Variants in ARHGAP24 observed in about 807,000 individuals in gnomAD.
ARHGAP24 encodes the protein Rho GTPase activating protein 24.
Under a neutral mutation model 76.4 loss-of-function variants are expected in ARHGAP24, and 50 were observed. The ratio of observed to expected loss-of-function variants is 0.65; its 90% confidence interval spans 0.52 to 0.83. The LOEUF is 0.83. ARHGAP24 is among the 40% of genes least tolerant of loss of function. The probability of loss-of-function intolerance (pLI) is 0.00; values close to 1 mark genes in which losing one functional copy is unlikely to be tolerated. For synonymous variants in ARHGAP24, 345 were observed against 323.3 expected (o/e 1.07, Z -0.72); for missense variants, 930 against 914.2 (o/e 1.02, Z -0.22).
intron 3 of ARHGAP24, among the ~76,000 whole-genome samples, chr4:85,879,723 T>C (rs1733135969): frequency 6.6e-6 from 1 of 152,020 alleles, no homozygotes; most frequent in East Asian, 1.9e-4. Context: ...AATTAAATTA[T>C]ATGTATTTAA....
intron 2 of ARHGAP24, among the ~76,000 whole-genome samples, chr4:85,575,009 T>G (rs1004947198): frequency 6.6e-6 from 1 of 152,240 alleles, no homozygotes; most frequent in Non-Finnish European, 1.5e-5. Flanking sequence ...GTACCTGATT[T>G]GTAAACAATG....
chr4:85,660,136 T>TCTTAATTAACTTTTAAGA (rs1292153587), intron 2 of ARHGAP24, among the ~76,000 whole-genome samples: 4 of 152,188 alleles, frequency 2.6e-5, no homozygotes, highest in Admixed American at 6.5e-5. Flanking sequence ...CAATTGAATT[T>TCTTAATTAACTTTTAAGA]CTTAATTAAC....
At chr4:85,566,261 A>G (rs1726841603) in intron 1 of ARHGAP24, among the ~76,000 whole-genome samples, 1 of 152,222 alleles carries the variant, frequency 6.6e-6, no homozygotes, top group African/African-American at 2.4e-5. Context: ...GCCTGACTTC[A>G]GTGAAAGTAT....
At chr4:85,600,430 G>A (rs1223722121) in intron 2 of ARHGAP24, among the ~76,000 whole-genome samples, 20 of 152,200 alleles carry the variant, frequency 1.3e-4, no homozygotes, top group Admixed American at 1.3e-3. Flanking sequence ...AGTAGAGCAT[G>A]AAAGGAGCAG....
At chr4:85,938,186 G>T (rs764299294) in intron 4 of ARHGAP24, among the ~76,000 whole-genome samples, 9 of 152,148 alleles carry the variant, frequency 5.9e-5, no homozygotes, top group Non-Finnish European at 1.3e-4. Flanking sequence ...TCACATCCTC[G>T]GTGATGCTTT....
intron 3 of ARHGAP24, among the ~76,000 whole-genome samples, chr4:85,811,846 G>T (rs915761124): frequency 8.5e-5 from 13 of 152,128 alleles, no homozygotes; most frequent in African/African-American, 3.1e-4. Context: ...AGAAATAAAA[G>T]CTGGTAACAT....
intron 1 of ARHGAP24, among the ~76,000 whole-genome samples, chr4:85,502,041 G>C (rs551696911): frequency 1.3e-5 from 2 of 152,006 alleles, no homozygotes; most frequent in African/African-American, 4.8e-5. Context: ...GTAGATATGC[G>C]GTGATATTTA....
rs544141793 is a variant in ARHGAP24 at position 85,533,100 on chromosome 4, A to G, written c.-20-37422A>G. Among the ~76,000 whole-genome samples the G allele has an allele frequency of 1.1e-3, 161 of 152,318 alleles. 2 individuals are homozygous for G. In the South Asian group the frequency reaches 0.012, roughly 11 times the overall value. ...AGATTGTTGTAGGGGACATTCTGAGATAAAATATATAGTGGGAATATTTGG... is the reference window on the plus strand; with the variant it reads ...AGATTGTTGTAGGGGACATTCTGAGGTAAAATATATAGTGGGAATATTTGG... On this transcript the variant is annotated intron_variant, in intron 1 of 9. Coordinates refer to ENST00000395184, the MANE Select transcript of ARHGAP24 (RefSeq NM_001025616.3).
At chr4:85,927,955 T>G (rs1432448599) in intron 4 of ARHGAP24, among the ~76,000 whole-genome samples, 2 of 152,110 alleles carry the variant, frequency 1.3e-5, no homozygotes, top group Non-Finnish European at 2.9e-5. Flanking sequence ...GAAATGTAAA[T>G]AAAATGTAGG....
chr4:85,707,757 C>T (rs1404957547), intron 2 of ARHGAP24, among the ~76,000 whole-genome samples: 1 of 152,088 alleles, frequency 6.6e-6, no homozygotes, highest in East Asian at 1.9e-4. Flanking sequence ...AAAATTAGGT[C>T]ACTGATGTCT....
chr4:85,985,023 T>A (rs1739898297), intron 8 of ARHGAP24, among the ~76,000 whole-genome samples: 1 of 152,126 alleles, frequency 6.6e-6, no homozygotes, highest in South Asian at 2.1e-4. Flanking sequence ...GGTTTCACCA[T>A]GTTGGCCAGG....
intron 5 of ARHGAP24, among the ~76,000 whole-genome samples, chr4:85,961,060 C>A (rs1190664229): frequency 1.3e-5 from 2 of 152,066 alleles, no homozygotes; most frequent in Admixed American, 6.6e-5. Flanking sequence ...ACCCCTCTTA[C>A]AAAGTAGTCC....
At chr4:85,884,680 T>A (rs1454046875) in intron 3 of ARHGAP24, among the ~76,000 whole-genome samples, 1 of 152,188 alleles carries the variant, frequency 6.6e-6, no homozygotes, top group African/African-American at 2.4e-5. Flanking sequence ...AATCGGAAAC[T>A]ATCAAGTTGT....
intron 3 of ARHGAP24, among the ~76,000 whole-genome samples, chr4:85,770,898 G>A (rs1365458279): frequency 6.6e-6 from 1 of 152,164 alleles, no homozygotes; most frequent in Non-Finnish European, 1.5e-5. Context: ...CAGGAGTGGG[G>A]CAGGAGAGTG....
chr4:85,860,824 T>C (rs1731849932), intron 3 of ARHGAP24, among the ~76,000 whole-genome samples: 1 of 152,058 alleles, frequency 6.6e-6, no homozygotes, highest in Non-Finnish European at 1.5e-5. Context: ...GAGCAGGTTG[T>C]TTATTAATAT....
intron 3 of ARHGAP24, among the ~76,000 whole-genome samples, chr4:85,762,177 G>T (rs76585235): frequency 0.025 from 3,811 of 152,246 alleles, 157 homozygotes; most frequent in African/African-American, 0.087. Context: ...AAGAAAGAAT[G>T]ATTTGTTTAA....
intron 5 of ARHGAP24, among the ~76,000 whole-genome samples, chr4:85,951,329 G>A (rs1737603932): frequency 6.6e-6 from 1 of 152,086 alleles, no homozygotes; most frequent in African/African-American, 2.4e-5. Flanking sequence ...TGTCCAAGCA[G>A]AGTGTTCTGC....
intron 4 of ARHGAP24, 85 bp from the exon 5 acceptor site, chr4:85,941,981 T>A: frequency 7.3e-7 from 1 of 1,367,764 alleles, no homozygotes; most frequent in Non-Finnish European, 1.0e-6. Context: ...TCTTTGTTTT[T>A]CTGTTATATT....
At chr4:85,912,145 TG>T (rs1393810732) in intron 3 of ARHGAP24, among the ~76,000 whole-genome samples, 2 of 152,228 alleles carry the variant, frequency 1.3e-5, no homozygotes, top group Non-Finnish European at 2.9e-5. Context: ...TTATATCAAA[TG>T]AGTTAAGAAA....
Sources: gnomAD v4.1 joint callset for allele counts (sites outside exome capture counted in the v4.1 genomes callset) on GRCh38, gnomAD v4.1.1 for gene constraint, MANE v1.5 for transcripts, NCBI Gene and HGNC (gene_info 2026-07-23, HGNC 2026-07-21) for gene names.